Variants in RUVBL2 observed in about 807,000 individuals in gnomAD.
RUVBL2 encodes the protein ruvB-like 2.
A neutral mutation model predicts 57.9 loss-of-function variants in RUVBL2; 9 were observed. The ratio of observed to expected loss-of-function variants is 0.16; its 90% CI spans 0.09 to 0.27. The LOEUF (loss-of-function observed/expected upper bound fraction) is 0.27. RUVBL2 is among the 10% of genes least tolerant of loss of function. The probability of loss-of-function intolerance (pLI) is 1.00; values close to 1 mark genes in which losing one functional copy is unlikely to be tolerated. For missense variants in RUVBL2, 456 were observed against 669.6 expected, an observed-to-expected ratio of 0.68 and a Z score of 3.52; for synonymous variants, 278 against 264.6, an observed-to-expected ratio of 1.05 and a Z score of -0.49.
Position 49,011,153 on chromosome 19 carries a change from G to T in RUVBL2, c.883-39G>T. On this transcript the variant is annotated intron_variant, in intron 10 of 14. Transcript: ENST00000595090. This position sits in a 1 kb window ranked among gnomAD's most constrained non-coding sequence, Gnocchi z 4.4. ...GGGTGGAGGTGGGCCGGGGAAGTGG[G>T]GACGCGGGTGGTGACTCTCACACAC... 6.2e-7 allele frequency: 1 copy of T among 1,610,320 alleles called. No individual in the cohort carries two copies. The highest frequency in any genetic ancestry group is 8.5e-7 in the Non-Finnish European group (1 of 1,177,430).
At chr19:49,002,994 A>C (rs958478048) in intron 2 of RUVBL2, among the ~76,000 whole-genome samples, 10 of 152,192 alleles carry the variant, frequency 6.6e-5, no homozygotes, top group African/African-American at 2.4e-4. Context: ...TTGTGGTTAG[A>C]TCTTAGTACA....
intron 1 of RUVBL2, among the ~76,000 whole-genome samples, chr19:48,997,640 A>G (rs1456771178): frequency 2.6e-5 from 4 of 151,832 alleles, no homozygotes; most frequent in East Asian, 1.9e-4. Flanking sequence ...AAAAAAAAAA[A>G]AAAAGAAAAG....
chr19:48,998,151 C>T (rs896247935), intron 1 of RUVBL2, among the ~76,000 whole-genome samples: 1 of 152,182 alleles, frequency 6.6e-6, no homozygotes, highest in African/African-American at 2.4e-5. Context: ...GTCTAGAGGT[C>T]CTAGAACTAG....
intron 6 of RUVBL2, among the ~76,000 whole-genome samples, chr19:49,008,743 C>T (rs1326485428): frequency 6.6e-6 from 1 of 151,666 alleles, no homozygotes; most frequent in Non-Finnish European, 1.5e-5. Context: ...TTTGGGAGGC[C>T]GAGGCGGGTG....
At chr19:48,993,865 C>T (rs1222493201), upstream of RUVBL2, 2 of 1,613,760 alleles carry the variant, frequency 1.2e-6, no homozygotes, top group Admixed American at 3.3e-5. Context: ...CATCTCGCTC[C>T]TCGCGCGTTT....
intron 11 of RUVBL2, among the ~76,000 whole-genome samples, chr19:49,013,631 G>A (rs766697213): frequency 5.9e-5 from 9 of 152,112 alleles, no homozygotes; most frequent in Non-Finnish European, 8.8e-5. Context: ...ACACATACAT[G>A]AGGCCAGGCG....
chr19:48,995,996 AAAAAAAG>A (rs1248345480), intron 1 of RUVBL2, among the ~76,000 whole-genome samples: 46 of 151,190 alleles, frequency 3.0e-4, no homozygotes, highest in African/African-American at 1.1e-3. Context: ...CAAAAAAAAA[AAAAAAAG>A]AAAAGAAAAG....
chr19:48,994,060 G>C, intron 1 of RUVBL2, 137 bp downstream of exon 1: 1 of 703,376 alleles, frequency 1.4e-6, no homozygotes, highest in Non-Finnish European at 2.2e-6. Context: ...GAAAGAGGAG[G>C]AAGCTCGGCC....
intron 1 of RUVBL2, among the ~76,000 whole-genome samples, chr19:48,995,663 A>G (rs2039042170): frequency 6.6e-6 from 1 of 151,880 alleles, no homozygotes; most frequent in African/African-American, 2.4e-5. Flanking sequence ...AGCCCTGGCA[A>G]CATAGCGAAA....
upstream of RUVBL2, chr19:48,993,780 G>GCC: frequency 3.2e-6 from 4 of 1,235,110 alleles, no homozygotes; most frequent in Non-Finnish European, 4.7e-6. Flanking sequence ...GTCCCGCCAC[G>GCC]CCCCCACAAT....
At chr19:49,004,717 C>CA (rs1212053976) in intron 4 of RUVBL2, among the ~76,000 whole-genome samples, 5 of 152,114 alleles carry the variant, frequency 3.3e-5, no homozygotes, top group Admixed American at 3.3e-4. Flanking sequence ...ATAACCCAGG[C>CA]AGCAGGAAGA....
chr19:49,004,488 C>G, intron 4 of RUVBL2, 70 bp downstream of exon 4: 1 of 1,465,668 alleles, frequency 6.8e-7, no homozygotes, highest in South Asian at 1.2e-5. Context: ...AAGTCAGGGT[C>G]AGGATGAGCC....
At chr19:49,000,319 C>G (rs1305090684) in intron 2 of RUVBL2, among the ~76,000 whole-genome samples, 1 of 152,238 alleles carries the variant, frequency 6.6e-6, no homozygotes, top group African/African-American at 2.4e-5. Flanking sequence ...CTTTGGAAGG[C>G]CAAGGTGGGC....
In RUVBL2 at chr19:49,014,464, T is replaced by G; in HGVS notation, c.1002-20T>G. ...AGGGAACATGCCCCTGACAGCCCCC[T>G]CTTTCTGCCTCTTCCTCAGAATCCG... On this transcript the variant is annotated intron_variant, in intron 11 of 14. Transcript: ENST00000595090. The G allele has an allele frequency of 1.9e-6, 3 of 1,610,360 alleles. No homozygotes were observed. Among genetic ancestry groups the G allele is most frequent in the Non-Finnish European group, 2.5e-6 (3 of 1,177,698 alleles).
chr19:49,003,802 G>A (rs1377194529), intron 3 of RUVBL2, among the ~76,000 whole-genome samples: 1 of 150,964 alleles, frequency 6.6e-6, no homozygotes, highest in Non-Finnish European at 1.5e-5. Flanking sequence ...GGAGTGGGTA[G>A]CAATTGCTTT....
intron 13 of RUVBL2, 63 bp downstream of exon 13, chr19:49,015,213 G>A: frequency 1.3e-6 from 2 of 1,572,482 alleles, no homozygotes; most frequent in Non-Finnish European, 8.6e-7. Flanking sequence ...GTACTTCAGG[G>A]GCTTCCAGGG....
intron 6 of RUVBL2, 76 bp from the exon 7 acceptor site, chr19:49,009,700 C>G: frequency 7.8e-7 from 1 of 1,275,786 alleles, no homozygotes; most frequent in South Asian, 1.2e-5. Context: ...GAGCCAGAAG[C>G]TTATCAACAC....
chr19:48,997,058 A>C (rs1568631826), intron 1 of RUVBL2, among the ~76,000 whole-genome samples: 1 of 151,950 alleles, frequency 6.6e-6, no homozygotes. Flanking sequence ...GTTTTCTAGT[A>C]TATTCACAGA....
chr19:48,997,628 CAAAAA>C (rs34730869), intron 1 of RUVBL2, among the ~76,000 whole-genome samples: 4 of 108,730 alleles, frequency 3.7e-5, no homozygotes, highest in South Asian at 3.5e-4. Context: ...GACTATGTCT[CAAAAA>C]AAAAAAAAAA....
Sources: gnomAD v4.1 joint callset for allele counts (sites outside exome capture counted in the v4.1 genomes callset) on GRCh38, gnomAD v4.1.1 for gene constraint, Gnocchi (gnomAD v3.1) non-coding constraint, MANE v1.5 for transcripts, NCBI Gene and HGNC (gene_info 2026-07-23, HGNC 2026-07-21) for gene names.